LRRC4C: variants seen among roughly 807,000 people sequenced by gnomAD.
LRRC4C encodes the protein leucine-rich repeat-containing protein 4C.
In LRRC4C, 5 loss-of-function variants were observed where a neutral mutation model predicts 33.6. The ratio of observed to expected loss-of-function variants is 0.15; its 90% CI spans 0.08 to 0.31. LRRC4C has a LOEUF of 0.31. LRRC4C is among the 10% of genes least tolerant of loss of function. The pLI is 1.00. For missense variants in LRRC4C, 560 were observed against 796.7 expected (o/e 0.70, Z 3.58); for synonymous variants, 329 against 302.0 (o/e 1.09, Z -0.93).
intron 1 of LRRC4C, among the ~76,000 whole-genome samples, chr11:41,138,029 TCA>T (rs1491270088): frequency 6.9e-4 from 105 of 152,338 alleles, no homozygotes; most frequent in African/African-American, 2.4e-3. Flanking sequence ...TAAAGGTATA[TCA>T]CTGGTGCTCT....
At chr11:40,566,712 A>C (rs1321894633) in intron 3 of LRRC4C, among the ~76,000 whole-genome samples, 1 of 152,118 alleles carries the variant, frequency 6.6e-6, no homozygotes, top group Non-Finnish European at 1.5e-5. Context: ...TCTTCCCTAA[A>C]GAAGGTGCTG....
chr11:40,322,021 T>C lies in LRRC4C; in HGVS notation c.-269-2300A>G, dbSNP rs115644232. On this transcript the variant is annotated intron_variant, in intron 3 of 6. Transcript: ENST00000528697. ...GAAGAGAACAAGGCAGGGGGTTTGT[T>C]GATTAGAACAAAGTGAATCATATTA... 2.8e-3 allele frequency among the ~76,000 whole-genome samples: 425 copies of C among 152,152 alleles called. 2 individuals carry two copies. The highest frequency in any genetic ancestry group is 9.9e-3 in the African/African-American group (413 of 41,520).
intron 1 of LRRC4C, among the ~76,000 whole-genome samples, chr11:41,277,603 T>C (rs1949524549): frequency 6.6e-6 from 1 of 152,136 alleles, no homozygotes; most frequent in Non-Finnish European, 1.5e-5. Context: ...AAGTGAGGTC[T>C]GTAGTACAAG....
intron 6 of LRRC4C, among the ~76,000 whole-genome samples, chr11:40,124,053 T>C (rs559119566): frequency 6.6e-6 from 1 of 152,106 alleles, no homozygotes. Flanking sequence ...AGAAGAAAAC[T>C]AGACCTCTAT....
intron 1 of LRRC4C, among the ~76,000 whole-genome samples, chr11:40,981,778 A>AT (rs200814032): frequency 5.9e-5 from 9 of 152,152 alleles, no homozygotes; most frequent in Non-Finnish European, 1.0e-4. Context: ...ACAAAAGTCA[A>AT]TTTTTTAAAA....
intron 2 of LRRC4C, among the ~76,000 whole-genome samples, chr11:40,872,474 T>A (rs890600597): frequency 6.6e-6 from 1 of 152,142 alleles, no homozygotes; most frequent in Non-Finnish European, 1.5e-5. Context: ...CTGAGCATCT[T>A]CCACATTCCC....
intron 1 of LRRC4C, among the ~76,000 whole-genome samples, chr11:41,377,052 T>C (rs1952962278): frequency 6.6e-6 from 1 of 152,186 alleles, no homozygotes; most frequent in Non-Finnish European, 1.5e-5. Flanking sequence ...GAGCCATATG[T>C]CCAAGAAATG....
Position 40,253,121 on chromosome 11 carries a change from G to A in LRRC4C, c.-175-11523C>T, listed in dbSNP as rs145836195. ...ATCCCTAAATATCTTTTTAATAGCT[G>A]CAGAAACACTCTGTGCTTAATTCCA... On this transcript the variant is annotated intron_variant, in intron 4 of 6. Coordinates refer to ENST00000528697, the MANE Select transcript of LRRC4C (RefSeq NM_001258419.2). 6.6e-5 allele frequency among the ~76,000 whole-genome samples: 10 copies of A among 152,234 alleles called. No homozygotes were observed. In the East Asian group the frequency reaches 1.9e-3, roughly 29 times the overall value.
intron 3 of LRRC4C, among the ~76,000 whole-genome samples, chr11:40,355,468 G>A (rs1947615055): frequency 6.6e-6 from 1 of 152,138 alleles, no homozygotes; most frequent in African/African-American, 2.4e-5. Flanking sequence ...TTAACCTATG[G>A]TGGTGGGGCT....
At chr11:41,188,977 T>C (rs547037523) in intron 1 of LRRC4C, among the ~76,000 whole-genome samples, 2 of 147,550 alleles carry the variant, frequency 1.4e-5, no homozygotes, top group Non-Finnish European at 3.0e-5. Flanking sequence ...TAAATAAAAA[T>C]TATAACCCAC....
chr11:41,021,160 AG>A, intron 1 of LRRC4C, among the ~76,000 whole-genome samples: 2 of 328 alleles, frequency 6.1e-3, no homozygotes, highest in South Asian at 0.25. Context: ...TGCATCTGAG[AG>A]AGAGAGAGAG....
At chr11:40,355,963 A>AGTATAGTATT (rs1947645389) in intron 3 of LRRC4C, among the ~76,000 whole-genome samples, 1 of 60,112 alleles carries the variant, frequency 1.7e-5, no homozygotes, top group East Asian at 3.9e-4. Context: ...TGTATAGTAT[A>AGTATAGTATT]GTATAGTATA....
intron 2 of LRRC4C, among the ~76,000 whole-genome samples, chr11:40,706,422 A>G (rs188381987): frequency 6.6e-6 from 1 of 152,262 alleles, no homozygotes; most frequent in Non-Finnish European, 1.5e-5. Flanking sequence ...TCAGCTTTCT[A>G]CATATGGCCA....
At chr11:40,704,444 T>C (rs1486166824) in intron 2 of LRRC4C, among the ~76,000 whole-genome samples, 3 of 152,202 alleles carry the variant, frequency 2.0e-5, no homozygotes, top group African/African-American at 7.2e-5. Flanking sequence ...GTTCCTTTAG[T>C]CATTTAAATA....
intron 3 of LRRC4C, among the ~76,000 whole-genome samples, chr11:40,545,123 C>T (rs1956862901): frequency 2.0e-5 from 3 of 152,048 alleles, no homozygotes; most frequent in African/African-American, 7.2e-5. Flanking sequence ...AAGCAAAAAA[C>T]ATCAATTTCT....
intron 3 of LRRC4C, among the ~76,000 whole-genome samples, chr11:40,343,801 G>C (rs762836025): frequency 4.8e-5 from 7 of 145,694 alleles, no homozygotes; most frequent in Non-Finnish European, 9.0e-5. Context: ...AACATAATTA[G>C]AAATGGCAAA....
At chr11:40,132,217 G>A (rs1211190285) in intron 6 of LRRC4C, among the ~76,000 whole-genome samples, 1 of 152,148 alleles carries the variant, frequency 6.6e-6, no homozygotes, top group South Asian at 2.1e-4. Flanking sequence ...TTTCTTACGT[G>A]TTTAGCAAGT....
chr11:40,981,785 A>T (rs3103801), intron 1 of LRRC4C, among the ~76,000 whole-genome samples: 149,278 of 152,322 alleles, frequency 0.98, 73,219 homozygotes, highest in Middle Eastern at 1. Context: ...TCAATTTTTT[A>T]AAAAAGTAGT....
intron 3 of LRRC4C, among the ~76,000 whole-genome samples, chr11:40,536,488 G>A (rs1462976166): frequency 2.0e-5 from 3 of 152,024 alleles, no homozygotes; most frequent in African/African-American, 7.3e-5. Flanking sequence ...CACCGTGCCC[G>A]GCCCCAAACA....
Sources: allele counts gnomAD v4.1 joint callset (sites outside exome capture counted in the v4.1 genomes callset), GRCh38; gene constraint gnomAD v4.1.1; transcripts MANE v1.5; gene names NCBI Gene and HGNC (gene_info 2026-07-23, HGNC 2026-07-21).